The following MORC1 variants were observed in gnomAD, a reference collection of about 807,000 sequenced individuals.
MORC1 encodes the protein MORC family CW-type zinc finger 1.
In MORC1, 59 loss-of-function variants were observed where a neutral mutation model predicts 134.9. The observed-to-expected ratio is 0.44, with a 90% CI of 0.35 to 0.54. MORC1 has a LOEUF of 0.54. Among genes scored for constraint, MORC1 ranks in the 20% least tolerant of loss-of-function variants. The pLI, the probability that MORC1 is intolerant of heterozygous loss-of-function variation, is 0.00. For synonymous variants in MORC1, 395 were observed against 391.7 expected (o/e 1.01, Z -0.10); for missense variants, 947 against 1,134.5 (o/e 0.83, Z 2.37).
At chr3:108,986,122 A>C (rs550125114) in intron 22 of MORC1, among the ~76,000 whole-genome samples, 268 of 152,298 alleles carry the variant, frequency 1.8e-3, no homozygotes, top group Non-Finnish European at 3.1e-3. Flanking sequence ...GAGACTAAGA[A>C]GACTAAGATC....
intron 1 of MORC1, among the ~76,000 whole-genome samples, chr3:109,115,537 A>G (rs1951252534): frequency 6.6e-6 from 1 of 152,234 alleles, no homozygotes; most frequent in Non-Finnish European, 1.5e-5. Flanking sequence ...AAAATAGTGT[A>G]AAAGAGAAAT....
At chr3:109,095,636 T>C (rs1950818682) in intron 6 of MORC1, among the ~76,000 whole-genome samples, 1 of 152,180 alleles carries the variant, frequency 6.6e-6, no homozygotes, top group Non-Finnish European at 1.5e-5. Context: ...CAGGCACTGC[T>C]CTTGTGGGCA....
chr3:109,023,084 G>A (rs1482035866), intron 17 of MORC1, among the ~76,000 whole-genome samples: 4 of 152,160 alleles, frequency 2.6e-5, no homozygotes, highest in Admixed American at 2.0e-4. Context: ...TTCCAAGTAG[G>A]TAAATGAAAT....
intron 9 of MORC1, among the ~76,000 whole-genome samples, chr3:109,063,574 T>G (rs1166387052): frequency 6.6e-6 from 1 of 152,154 alleles, no homozygotes; most frequent in Non-Finnish European, 1.5e-5. Flanking sequence ...TGCATAGCCC[T>G]CTTACTCAGA....
At chr3:108,970,186 C>T (rs1395141456) in intron 25 of MORC1, among the ~76,000 whole-genome samples, 1 of 151,626 alleles carries the variant, frequency 6.6e-6, no homozygotes, top group Non-Finnish European at 1.5e-5. Flanking sequence ...AAGAAAGTGG[C>T]CCAGGAATGA....
chr3:108,979,494 T>C lies in MORC1; in HGVS notation c.2477+21A>G, dbSNP rs142586249. On this transcript the variant is annotated intron_variant, in intron 24 of 27. Transcript: ENST00000232603. ...GAAAGTTAAACAAAGCATGTGGAAATATGTGAGTAAATATCTTTACCTTAA... is the reference window on the plus strand; with the variant it reads ...GAAAGTTAAACAAAGCATGTGGAAACATGTGAGTAAATATCTTTACCTTAA... 2.0e-4 allele frequency: 328 copies of C among 1,611,316 alleles called. 2 individuals carry two copies. In the African/African-American group the frequency reaches 4.0e-3, roughly 20 times the overall value.
At chr3:109,040,829 C>CAAAAAAAAA (rs59122147) in intron 14 of MORC1, among the ~76,000 whole-genome samples, 5 of 108,606 alleles carry the variant, frequency 4.6e-5, no homozygotes, top group South Asian at 2.9e-4. Context: ...AACTCTGTGT[C>CAAAAAAAAA]AAAAAAAAAA....
At chr3:109,054,005 C>T (rs951711445) in intron 14 of MORC1, among the ~76,000 whole-genome samples, 4 of 151,986 alleles carry the variant, frequency 2.6e-5, no homozygotes, top group Non-Finnish European at 5.9e-5. Flanking sequence ...CATATCTGCC[C>T]AGGCGTGGTG....
chr3:109,117,199 T>C (rs541025842), intron 1 of MORC1, among the ~76,000 whole-genome samples: 5 of 152,248 alleles, frequency 3.3e-5, no homozygotes, highest in South Asian at 2.1e-4. Flanking sequence ...ATGTTAAAAT[T>C]ATACAGTCTG....
Position 109,005,189 on chromosome 3 carries a change from C to T in MORC1, c.1894G>A (p.Val632Ile), listed in dbSNP as rs775225436. 2.2e-5 allele frequency: 36 copies of T among 1,613,878 alleles called. No homozygotes were observed. The highest frequency in any genetic ancestry group is 3.1e-5 in the Non-Finnish European group (36 of 1,179,980). ...KRNIEETDSD[V>I]EYISETKIMK... ...ATTTTTGTTTCTGAAATATACTCTA[C>T]ATCAGAGTCTGTCTCTTCTATGTTT... Residue 632 changes from valine (V) to isoleucine (I), a missense_variant, in exon 19 of 28, where the codon GTA becomes ATA. Transcript: ENST00000232603.
chr3:108,971,312 C>A lies in MORC1; in HGVS notation c.2550+18G>T. On this transcript the variant is annotated intron_variant, in intron 25 of 27. Transcript: ENST00000232603. ...CTATTCTATCATTCCCTCACAGTTC[C>A]AAAAAAAACCAGCTTACCTCACAAC... 1 of 1,605,470 alleles carries A rather than the reference C, an allele frequency of 6.2e-7. No homozygotes were observed. Among genetic ancestry groups the A allele is most frequent in the Non-Finnish European group, 8.5e-7 (1 of 1,173,650 alleles).
chr3:108,969,762 T>C (rs1947324030), intron 25 of MORC1, 40 bp from the exon 26 acceptor site: 2 of 1,582,368 alleles, frequency 1.3e-6, no homozygotes, highest in Admixed American at 1.7e-5. Context: ...TATTAGCTTT[T>C]AGAGAATGTG....
chr3:109,030,780 C>T (rs1290531831), intron 16 of MORC1, among the ~76,000 whole-genome samples: 3 of 152,032 alleles, frequency 2.0e-5, no homozygotes, highest in South Asian at 4.1e-4. Context: ...TATTTGATAG[C>T]GCAAGGTGAC....
intron 8 of MORC1, among the ~76,000 whole-genome samples, chr3:109,079,561 A>G (rs1259125137): frequency 6.6e-6 from 1 of 152,130 alleles, no homozygotes; most frequent in Non-Finnish European, 1.5e-5. Context: ...TAAATATCAC[A>G]TATAATAGTC....
chr3:109,039,111 T>G (rs536747078), intron 14 of MORC1, among the ~76,000 whole-genome samples: 1 of 152,272 alleles, frequency 6.6e-6, no homozygotes, highest in South Asian at 2.1e-4. Flanking sequence ...GAGATGGACT[T>G]CACCATGTTG....
At chr3:109,016,636 G>A (rs554063705) in intron 17 of MORC1, among the ~76,000 whole-genome samples, 3 of 152,240 alleles carry the variant, frequency 2.0e-5, no homozygotes, top group South Asian at 2.1e-4. Context: ...GCCGAGGTGC[G>A]CAGATGACTT....
intron 5 of MORC1, among the ~76,000 whole-genome samples, chr3:109,100,194 G>A (rs1950899615): frequency 6.6e-6 from 1 of 151,972 alleles, no homozygotes; most frequent in African/African-American, 2.4e-5. Context: ...AGTGAGCCAA[G>A]ATCGCACCAC....
At position 109,054,780 on chromosome 3, in the gene MORC1, T is replaced by G; in HGVS notation, c.1278A>C (p.Leu426=). 1 of 1,601,732 alleles carries G rather than the reference T, an allele frequency of 6.2e-7. No homozygotes were observed. The highest frequency in any genetic ancestry group is 1.1e-5 in the South Asian group (1 of 88,378). Residue 426 remains leucine (L), a synonymous_variant, in exon 14 of 28, where the codon CTA becomes CTC. Transcript: ENST00000232603. ...CCAAGTACTGTCCCATGACTTTTAG[T>G]AGATGATTATACTCTTGGACATTGA... is the stretch of plus-strand genomic sequence containing the variant. The part of the protein sequence containing the change: ...EFLNVQEYNH[L]LKVMGQYLVQ...
intron 4 of MORC1, among the ~76,000 whole-genome samples, chr3:109,101,203 T>C (rs1264731493): frequency 6.6e-6 from 1 of 152,236 alleles, no homozygotes; most frequent in Non-Finnish European, 1.5e-5. Flanking sequence ...TGGCACTTGG[T>C]GGGTGTTACC....
Sources: gnomAD v4.1 joint callset for allele counts (sites outside exome capture counted in the v4.1 genomes callset) on GRCh38, gnomAD v4.1.1 for gene constraint, MANE v1.5 for transcripts, NCBI Gene and HGNC (gene_info 2026-07-23, HGNC 2026-07-21) for gene names.